WDR43: variants seen among roughly 807,000 people sequenced by gnomAD.
The protein encoded by WDR43 is WD repeat domain 43.
In WDR43, 13 loss-of-function variants were observed where a neutral mutation model predicts 91.4. The observed-to-expected ratio is 0.14, with a 90% CI of 0.09 to 0.23. WDR43 has a LOEUF of 0.23. Among genes scored for constraint, WDR43 ranks in the 10% least tolerant of loss-of-function variants. The probability of loss-of-function intolerance (pLI) is 1.00; values close to 1 mark genes in which losing one functional copy is unlikely to be tolerated. For missense variants in WDR43, 780 were observed against 809.4 expected (o/e 0.96, Z 0.44); for synonymous variants, 331 against 287.9 (o/e 1.15, Z -1.51).
intron 3 of WDR43, among the ~76,000 whole-genome samples, chr2:28,910,103 G>T (rs113576821): frequency 1.3e-4 from 20 of 152,190 alleles, no homozygotes; most frequent in Non-Finnish European, 7.3e-5. Context: ...GTGTAACTAG[G>T]TTAGAGCTTG....
chr2:28,940,505 C>T (rs534572042), intron 14 of WDR43, among the ~76,000 whole-genome samples: 1 of 152,284 alleles, frequency 6.6e-6, no homozygotes, highest in African/African-American at 2.4e-5. Flanking sequence ...GCTGGGATTA[C>T]AGGCATGAGC....
At chr2:28,910,823 G>A (rs1292107398) in intron 3 of WDR43, among the ~76,000 whole-genome samples, 2 of 151,574 alleles carry the variant, frequency 1.3e-5, no homozygotes, top group Admixed American at 6.6e-5. Context: ...TCAGCCTCCC[G>A]AGTACCTGGG....
chr2:28,929,600 G>A lies in WDR43; in HGVS notation c.1327G>A (p.Gly443Arg). ...GNEVSIEERL[G>R]AMDIDTHKKG... ...GTAGGTTAGCATTGAAGAACGTCTG[G>A]GAGCAATGGATATAGACACACACAA... The change falls in exon 11 of 18, where the codon GGA becomes AGA. Residue 443 changes from glycine (G) to arginine (R), a missense_variant. Coordinates refer to ENST00000407426, the MANE Select transcript of WDR43 (RefSeq NM_015131.3). 6.2e-7 allele frequency: 1 copy of A among 1,612,396 alleles called. No individual in the cohort carries two copies. The highest frequency in any genetic ancestry group is 8.5e-7 in the Non-Finnish European group (1 of 1,179,084).
At chr2:28,928,041 T>C (rs1671176033) in intron 10 of WDR43, 1 of 221,826 alleles carries the variant, frequency 4.5e-6, no homozygotes, top group Non-Finnish European at 9.1e-6. Context: ...ATGCCTCTTT[T>C]CTCTTGGCTG....
rs1367407475 is a variant in WDR43, at chr2:28,946,515, C to T, written c.1854+16C>T. The T allele has an allele frequency of 6.2e-7, 1 of 1,607,666 alleles. No individual in the cohort carries two copies. The highest frequency in any genetic ancestry group is 1.3e-5 in the African/African-American group (1 of 74,912). On this transcript the variant is annotated intron_variant, in intron 17 of 17. Coordinates refer to ENST00000407426, the MANE Select transcript of WDR43 (RefSeq NM_015131.3). ...GGATTCTGAAGTGAGTGATTTGTTC[C>T]CTGTATATACATCGGCCTTTATATC... is the stretch of plus-strand genomic sequence containing the variant.
At chr2:28,898,283 G>T (rs1419190651) in intron 1 of WDR43, among the ~76,000 whole-genome samples, 1 of 152,220 alleles carries the variant, frequency 6.6e-6, no homozygotes, top group Non-Finnish European at 1.5e-5. Flanking sequence ...TCAGACATTG[G>T]ACAGGGTGTC....
intron 5 of WDR43, 59 bp downstream of exon 5, chr2:28,914,267 A>C: frequency 6.6e-7 from 1 of 1,520,176 alleles, no homozygotes; most frequent in African/African-American, 1.4e-5. Context: ...GAGCTTATGT[A>C]GTTAATGTAA....
intron 1 of WDR43, 103 bp downstream of exon 1, chr2:28,895,026 G>A: frequency 1.6e-6 from 2 of 1,221,172 alleles, no homozygotes; most frequent in Non-Finnish European, 2.1e-6. Flanking sequence ...GCTCTCAGCG[G>A]CCCGGGCCAG....
chr2:28,913,161 A>C lies in WDR43; in HGVS notation c.606+451A>C, dbSNP rs181715588. 1.2e-3 allele frequency among the ~76,000 whole-genome samples: 180 copies of C among 152,158 alleles called. 3 individuals are homozygous for C. The highest frequency in any genetic ancestry group is 1.6e-3 in the Non-Finnish European group (107 of 67,998). On this transcript the variant is annotated intron_variant, in intron 4 of 17. Coordinates refer to ENST00000407426, the MANE Select transcript of WDR43 (RefSeq NM_015131.3). The stretch of plus-strand genomic sequence containing the variant: ...AGTAGAGACAGGGTTTCACCGTGTT[A>C]GCTATGATGGTCTCGATCTCCTGGC...
At chr2:28,946,356 AAAAGT>A (rs1335079817) in intron 16 of WDR43, 89 bp from the exon 17 acceptor site, 3 of 1,209,494 alleles carry the variant, frequency 2.5e-6, no homozygotes, top group Non-Finnish European at 3.4e-6. Flanking sequence ...TAATATTTCT[AAAAGT>A]AAATTCAGGA....
Position 28,942,400 on chromosome 2 carries a change from G to T in WDR43, c.1804+19G>T. 6.2e-7 allele frequency: 1 copy of T among 1,608,996 alleles called. No individual in the cohort carries two copies. Among genetic ancestry groups the T allele is most frequent in the South Asian group, 1.1e-5 (1 of 90,496 alleles). ...GAAGAAGGTAAAGACTGGGGGAATG[G>T]GATGGAGTCTAGAATTATAACATTC... On this transcript the variant is annotated intron_variant, in intron 16 of 17. Coordinates refer to ENST00000407426, the MANE Select transcript of WDR43 (RefSeq NM_015131.3).
chr2:28,929,964 A>G (rs769312016), intron 11 of WDR43: 1 of 572,158 alleles, frequency 1.7e-6, no homozygotes, highest in East Asian at 3.8e-5. Flanking sequence ...TTATTAGGTT[A>G]TTAGGCTTTA....
chr2:28,939,514 T>A (rs1007653159), intron 14 of WDR43, among the ~76,000 whole-genome samples: 1 of 152,180 alleles, frequency 6.6e-6, no homozygotes, highest in Non-Finnish European at 1.5e-5. Flanking sequence ...AACCATGGTT[T>A]TCCTCGCTCT....
intron 13 of WDR43, among the ~76,000 whole-genome samples, chr2:28,937,163 TAGC>T (rs1671350184): frequency 6.6e-6 from 1 of 152,210 alleles, no homozygotes; most frequent in Admixed American, 6.5e-5. Flanking sequence ...TTAGCTTTAT[TAGC>T]AGGTCATTTA....
At chr2:28,937,825 G>A (rs1180912922) in intron 13 of WDR43, 106 bp from the exon 14 acceptor site, 2 of 1,043,822 alleles carry the variant, frequency 1.9e-6, no homozygotes, top group Non-Finnish European at 2.9e-6. Context: ...CATTTTCACA[G>A]AGCAACATTT....
rs1359806908 is a variant in WDR43, at chr2:28,947,753, C to G, written c.*974C>G. ...CTTCCTTTTCATTACCTACTCTTGG[C>G]AGTGTTAGGGTATCTGTTTACCTTT... On this transcript the variant is annotated 3_prime_UTR_variant, in exon 18 of 18. Coordinates refer to ENST00000407426, the MANE Select transcript of WDR43 (RefSeq NM_015131.3). 3 of 151,128 alleles carry G rather than the reference C, an allele frequency of 2.0e-5. No homozygotes were observed. Among genetic ancestry groups the G allele is most frequent in the Non-Finnish European group, 4.4e-5 (3 of 67,876 alleles). 9.4% of individuals were successfully genotyped at this position (151,128 alleles called of 1,614,324 possible). A position where few individuals can be genotyped will look rare whatever the true frequency, so the allele number is the denominator to read the frequency against.
At chr2:28,927,902 CAGTAACTAA>C (rs1273306231) in intron 10 of WDR43, 2 of 740,450 alleles carry the variant, frequency 2.7e-6, no homozygotes, top group Non-Finnish European at 4.0e-6. Context: ...ATGGAACCTT[CAGTAACTAA>C]AGAGGGTGCT....
At chr2:28,908,272 G>A (rs1005188089) in intron 3 of WDR43, among the ~76,000 whole-genome samples, 2 of 152,196 alleles carry the variant, frequency 1.3e-5, no homozygotes, top group Non-Finnish European at 2.9e-5. Context: ...ATAACATTAT[G>A]TGAAAGATAA....
chr2:28,901,882 C>A, intron 1 of WDR43, 105 bp from the exon 2 acceptor site: 1 of 1,158,402 alleles, frequency 8.6e-7, no homozygotes, highest in Non-Finnish European at 1.2e-6. Context: ...CTCTTCCCCC[C>A]TTTTAAAATG....
Sources: gnomAD v4.1 joint callset for allele counts (sites outside exome capture counted in the v4.1 genomes callset) on GRCh38, gnomAD v4.1.1 for gene constraint, MANE v1.5 for transcripts, NCBI Gene and HGNC (gene_info 2026-07-23, HGNC 2026-07-21) for gene names.